ORC4: variants seen among roughly 807,000 people sequenced by gnomAD.
ORC4 encodes origin recognition complex, subunit 4 homolog.
A neutral mutation model predicts 63.9 loss-of-function variants in ORC4; 55 were observed. The ratio of observed to expected loss-of-function variants is 0.86; its 90% CI spans 0.69 to 1.08. ORC4 has a LOEUF of 1.08. Ranked by LOEUF, ORC4 falls within the 50% of genes least tolerant of loss-of-function variation. The pLI is 0.00. For synonymous variants in ORC4, 150 were observed against 168.5 expected (o/e 0.89, Z 0.85); for missense variants, 511 against 504.4 (o/e 1.01, Z -0.13).
At chr2:147,962,435 G>T (rs1034439740) in intron 4 of ORC4, among the ~76,000 whole-genome samples, 1 of 152,114 alleles carries the variant, frequency 6.6e-6, no homozygotes, top group Admixed American at 6.5e-5. Flanking sequence ...TGTGCGCCCC[G>T]CTCTGTGGGC....
chr2:148,005,876 TG>T (rs1409330103), intron 1 of ORC4, among the ~76,000 whole-genome samples: 1 of 152,104 alleles, frequency 6.6e-6, no homozygotes, highest in East Asian at 1.9e-4. Flanking sequence ...CTCGGGAGGC[TG>T]AGGTGGGAGG....
intron 1 of ORC4, among the ~76,000 whole-genome samples, chr2:147,992,739 C>A (rs1404170567): frequency 6.6e-6 from 1 of 152,042 alleles, no homozygotes; most frequent in African/African-American, 2.4e-5. Context: ...AAATAAAGTC[C>A]TCCAAAGCAG....
intron 1 of ORC4, among the ~76,000 whole-genome samples, chr2:147,982,249 T>C (rs1390405592): frequency 1.3e-5 from 2 of 152,230 alleles, no homozygotes; most frequent in African/African-American, 4.8e-5. Flanking sequence ...ATCAGTGTTA[T>C]GAGAGGGAAA....
chr2:147,960,807 T>C (rs1480519285), intron 4 of ORC4, among the ~76,000 whole-genome samples: 2 of 152,168 alleles, frequency 1.3e-5, no homozygotes, highest in African/African-American at 4.8e-5. Context: ...GAGGACTGCC[T>C]GAGCCCAGGA....
chr2:147,975,483 C>A (rs1690494383), intron 2 of ORC4, among the ~76,000 whole-genome samples: 2 of 132,438 alleles, frequency 1.5e-5, no homozygotes, highest in Non-Finnish European at 1.6e-5. Context: ...AAGTTCAAGC[C>A]AGGGCAATTA....
chr2:148,004,636 A>G (rs1692513823), intron 1 of ORC4, among the ~76,000 whole-genome samples: 1 of 152,204 alleles, frequency 6.6e-6, no homozygotes, highest in Admixed American at 6.5e-5. Context: ...ACTAAAACAT[A>G]AGACCTAAAA....
chr2:147,978,018 C>A (rs1690665899), intron 1 of ORC4, among the ~76,000 whole-genome samples: 1 of 152,184 alleles, frequency 6.6e-6, no homozygotes, highest in African/African-American at 2.4e-5. Flanking sequence ...TTGAGAGGGG[C>A]TGGAGCCACT....
chr2:147,935,526 G>GA lies in ORC4; in HGVS notation c.1294dup (p.Ser432PhefsTer22). The GA allele has an allele frequency of 6.2e-7, 1 of 1,613,308 alleles. No homozygotes were observed. Among genetic ancestry groups the GA allele is most frequent in the South Asian group, 1.1e-5 (1 of 91,068 alleles). On this transcript the variant is annotated frameshift_variant, in exon 14 of 14. Coordinates refer to ENST00000392857, the MANE Select transcript of ORC4 (RefSeq NM_181741.4). LOFTEE classifies it high-confidence loss of function. ...TGGTTATATTCATAACCAGCTTAGT[G>GA]AGGATGTTGCCCACTGCCTCACATC...
At chr2:147,963,265 C>T (rs1393925453) in intron 4 of ORC4, among the ~76,000 whole-genome samples, 1 of 152,216 alleles carries the variant, frequency 6.6e-6, no homozygotes, top group Non-Finnish European at 1.5e-5. Flanking sequence ...AGGGTTGCCT[C>T]TGGCAGACAC....
intron 1 of ORC4, among the ~76,000 whole-genome samples, chr2:147,983,559 A>T (rs1222321986): frequency 1.3e-5 from 2 of 152,294 alleles, no homozygotes; most frequent in Admixed American, 1.3e-4. Flanking sequence ...TTTAAGGTTC[A>T]TTACACACAG....
intron 9 of ORC4, among the ~76,000 whole-genome samples, chr2:147,943,824 C>G (rs1435410425): frequency 6.6e-6 from 1 of 151,992 alleles, no homozygotes; most frequent in Admixed American, 6.6e-5. Context: ...GTGAAATGAA[C>G]AAAATGCAGC....
intron 9 of ORC4, chr2:147,947,646 G>T (rs1001134231): frequency 1.3e-5 from 2 of 153,214 alleles, no homozygotes; most frequent in African/African-American, 4.8e-5. Context: ...ATGAAAACTG[G>T]AAGAAAAAAA....
At chr2:147,944,582 T>C (rs1287269722) in intron 9 of ORC4, among the ~76,000 whole-genome samples, 1 of 151,728 alleles carries the variant, frequency 6.6e-6, no homozygotes, top group Non-Finnish European at 1.5e-5. Flanking sequence ...AACACTGGCA[T>C]TGAAGAAAAG....
chr2:147,946,604 G>A (rs909442781), intron 9 of ORC4, among the ~76,000 whole-genome samples: 1 of 152,120 alleles, frequency 6.6e-6, no homozygotes, highest in African/African-American at 2.4e-5. Context: ...AAATACCCGA[G>A]TCTCAGGAAA....
chr2:147,953,659 T>C (rs1341318611), intron 7 of ORC4, among the ~76,000 whole-genome samples: 3 of 152,198 alleles, frequency 2.0e-5, no homozygotes, highest in African/African-American at 7.2e-5. Flanking sequence ...GCACAACTTT[T>C]AGCATTTCAA....
At position 147,931,084 on chromosome 2, in the gene ORC4, C is replaced by T. The variant is rs1393462211; in HGVS notation, c.*4426G>A. On this transcript the variant is annotated 3_prime_UTR_variant, in exon 14 of 14. Coordinates refer to ENST00000392857, the MANE Select transcript of ORC4 (RefSeq NM_181741.4). Reference sequence around the variant, plus strand: ...ATGTGATCTCATTGTTCAATTCCCACCTATGAGTGAGAATATGCGGTGTTT... The same window carrying T: ...ATGTGATCTCATTGTTCAATTCCCATCTATGAGTGAGAATATGCGGTGTTT... 2.1e-5 allele frequency: 3 copies of T among 145,476 alleles called. No individual in the cohort carries two copies. The highest frequency in any genetic ancestry group is 4.5e-5 in the Non-Finnish European group (3 of 66,220). The allele number at this position is 145,476 out of a possible 1,614,324, so 9.0% of individuals were successfully genotyped here.
chr2:147,980,657 A>G (rs1366196271), intron 1 of ORC4, among the ~76,000 whole-genome samples: 3 of 152,206 alleles, frequency 2.0e-5, no homozygotes, highest in Non-Finnish European at 1.5e-5. Flanking sequence ...ACAAAACCAC[A>G]ATGAGATAAC....
intron 11 of ORC4, 45 bp downstream of exon 11, chr2:147,939,088 TAAATTCA>T: frequency 9.4e-7 from 1 of 1,067,620 alleles, no homozygotes; most frequent in Non-Finnish European, 1.5e-6. Flanking sequence ...TTCCATTATC[TAAATTCA>T]AAGTTTTAAA....
intron 4 of ORC4, among the ~76,000 whole-genome samples, chr2:147,961,857 T>C (rs1205912759): frequency 2.0e-5 from 3 of 152,194 alleles, no homozygotes; most frequent in African/African-American, 7.2e-5. Flanking sequence ...ATTAAACCTA[T>C]AGGGGTTTAT....
Sources: allele counts gnomAD v4.1 joint callset (sites outside exome capture counted in the v4.1 genomes callset), GRCh38; gene constraint gnomAD v4.1.1; transcripts MANE v1.5; gene names NCBI Gene and HGNC (gene_info 2026-07-23, HGNC 2026-07-21).